Variants in MYO7A observed in about 807,000 individuals in gnomAD.
MYO7A encodes myosin VIIA, also known as unconventional myosin-VIIa.
Under a neutral mutation model 263.8 loss-of-function variants are expected in MYO7A, and 210 were observed. That is an observed-to-expected ratio of 0.80 (90% CI 0.71 to 0.89). The LOEUF is 0.89. Ranked by LOEUF, MYO7A falls within the 40% of genes least tolerant of loss-of-function variation. The pLI, the probability that MYO7A is intolerant of heterozygous loss-of-function variation, is 0.00. For missense variants in MYO7A, 2,820 were observed against 2,968.3 expected, an observed-to-expected ratio of 0.95 and a Z score of 1.16; for synonymous variants, 1,239 against 1,197.3, an observed-to-expected ratio of 1.03 and a Z score of -0.72.
intron 3 of MYO7A, among the ~76,000 whole-genome samples, chr11:77,143,584 G>A (rs1240885423): frequency 1.3e-5 from 2 of 152,242 alleles, no homozygotes; most frequent in African/African-American, 4.8e-5. Flanking sequence ...GGGAAGCCCT[G>A]GGGCCTCTGA....
chr11:77,184,637 T>TG lies in MYO7A; in HGVS notation c.3426dup (p.Leu1143AlafsTer86). 6.3e-7 allele frequency: 1 copy of TG among 1,582,806 alleles called. No homozygotes were observed. Among genetic ancestry groups the TG allele is most frequent in the Non-Finnish European group, 8.6e-7 (1 of 1,163,884 alleles). ...GAGTCCACAGTGCAGGGCAACAGCA[T>TG]GCTGGAGGACCGGCCCACCTCCAAC... is the stretch of plus-strand genomic sequence containing the variant. On this transcript the variant is annotated frameshift_variant, in exon 27 of 49. Coordinates refer to ENST00000409709, the MANE Select transcript of MYO7A (RefSeq NM_000260.4). LOFTEE classifies it high-confidence loss of function.
chr11:77,196,289 T>C (rs1956655870), intron 32 of MYO7A, among the ~76,000 whole-genome samples: 1 of 150,876 alleles, frequency 6.6e-6, no homozygotes, highest in Non-Finnish European at 1.5e-5. Flanking sequence ...TCACTTGAAC[T>C]CGGGAGGCGG....
chr11:77,208,495 G>C lies in MYO7A; in HGVS notation c.5922G>C (p.Lys1974Asn). The C allele has an allele frequency of 6.2e-7, 1 of 1,613,590 alleles. No individual in the cohort carries two copies. Among genetic ancestry groups the C allele is most frequent in the Non-Finnish European group, 8.5e-7 (1 of 1,179,714 alleles). The change falls in exon 43 of 49, where the codon AAG (lysine) becomes AAC (asparagine). Residue 1974 changes from lysine (K) to asparagine (N), a missense_variant. Lys to Asn is a moderately conservative substitution (Grantham distance 94). Transcript: ENST00000409709. ...DFVRHLTDWI[K>N]KARPIKDGIV... ...TTCGACACTTGACAGACTGGATAAA[G>C]AAAGCTCGGCCCATCAAGGACGGTA...
intron 46 of MYO7A, 130 bp from the exon 47 acceptor site, chr11:77,212,822 G>A: frequency 2.6e-6 from 2 of 758,166 alleles, no homozygotes; most frequent in East Asian, 5.3e-5. Flanking sequence ...GGTCATGGCA[G>A]GGCCGTCAGT....
chr11:77,199,579 G>T lies in MYO7A; in HGVS notation c.4613G>T (p.Cys1538Phe), dbSNP rs1426219949. The T allele has an allele frequency of 6.4e-7, 1 of 1,563,498 alleles. No homozygotes were observed. The highest frequency in any genetic ancestry group is 8.7e-7 in the Non-Finnish European group (1 of 1,152,962). Residue 1538 changes from cysteine to phenylalanine, a missense_variant, in exon 35 of 49, where the codon TGT becomes TTT. Transcript: ENST00000409709. Reference protein sequence around the residue: ...WLSLGCSDLGCAAPHSGWAGL... With the variant: ...WLSLGCSDLGFAAPHSGWAGL... ...TCACTGGGCTGCTCTGATCTTGGCT[G>T]TGCTGCGCCTCACTCAGGCTGGGCA...
chr11:77,208,593 C>T, intron 43 of MYO7A, 76 bp downstream of exon 43: 1 of 1,525,650 alleles, frequency 6.6e-7, no homozygotes, highest in Non-Finnish European at 8.9e-7. Flanking sequence ...CCGTGAGGCC[C>T]ACCTAGGCGG....
At position 77,172,911 on chromosome 11, in the gene MYO7A, C is replaced by G. The variant is rs782157998; in HGVS notation, c.1935+26C>G. The G allele has an allele frequency of 5.9e-6, 9 of 1,536,176 alleles. No individual in the cohort carries two copies. In the African/African-American group the frequency reaches 1.2e-4, roughly 21 times the overall value. On this transcript the variant is annotated intron_variant, in intron 16 of 48. Transcript: ENST00000409709. ...GTGAGTGGCCCTGGCCTGGGGTTGG[C>G]GGGTGGCGGCTAGGGTGACGTGGAG...
At chr11:77,144,265 T>C (rs1591207302) in intron 3 of MYO7A, among the ~76,000 whole-genome samples, 1 of 152,072 alleles carries the variant, frequency 6.6e-6, no homozygotes, top group African/African-American at 2.4e-5. Context: ...GAACCTACTA[T>C]GAGGGTGCAG....
intron 4 of MYO7A, among the ~76,000 whole-genome samples, chr11:77,151,763 G>C (rs1267110233): frequency 6.6e-6 from 1 of 152,258 alleles, no homozygotes; most frequent in Non-Finnish European, 1.5e-5. Flanking sequence ...GACCTTGGAG[G>C]ACCGATGGGC....
chr11:77,172,886 G>C lies in MYO7A; in HGVS notation c.1935+1G>C, dbSNP rs1343207038. Reference sequence around the variant, plus strand: ...GCCCAATGAGTTCAAGAAGCCCATGGTGAGTGGCCCTGGCCTGGGGTTGGC... The same window carrying C: ...GCCCAATGAGTTCAAGAAGCCCATGCTGAGTGGCCCTGGCCTGGGGTTGGC... On this transcript the variant is annotated splice_donor_variant, in intron 16 of 48. Coordinates refer to ENST00000409709, the MANE Select transcript of MYO7A (RefSeq NM_000260.4). LOFTEE classifies it high-confidence loss of function. 6.5e-7 allele frequency: 1 copy of C among 1,549,790 alleles called. No individual in the cohort carries two copies. The highest frequency in any genetic ancestry group is 8.7e-7 in the Non-Finnish European group (1 of 1,145,396).
chr11:77,134,158 T>C (rs1386280523), intron 2 of MYO7A, among the ~76,000 whole-genome samples: 2 of 152,228 alleles, frequency 1.3e-5, no homozygotes, highest in Non-Finnish European at 2.9e-5. Context: ...CTCAAACTCC[T>C]GACCTAAAGT....
chr11:77,213,510 C>G (rs376138549), intron 47 of MYO7A, among the ~76,000 whole-genome samples: 1 of 152,174 alleles, frequency 6.6e-6, no homozygotes, highest in East Asian at 1.9e-4. Context: ...CCCTTTGGTG[C>G]CTGCTCCTGT....
At position 77,184,709 on chromosome 11, in the gene MYO7A, C is replaced by A; in HGVS notation, c.3497C>A (p.Ala1166Glu). The A allele has an allele frequency of 6.3e-7, 1 of 1,594,406 alleles. No individual in the cohort carries two copies. The highest frequency in any genetic ancestry group is 1.7e-5 in the Admixed American group (1 of 57,198). The change falls in exon 27 of 49, where the codon GCA (alanine) becomes GAA (glutamate). Residue 1166 changes from alanine (A) to glutamate (E), a missense_variant. Physicochemically the swap from Ala to Glu is moderately radical, Grantham distance 107. Coordinates refer to ENST00000409709, the MANE Select transcript of MYO7A (RefSeq NM_000260.4). ...FIIGNGILRP[A>E]LRDEIYCQIS... is the part of the protein sequence containing the mutation. ...ATCGGCAATGGCATCCTGCGGCCAG[C>A]ACTCCGGTCAGTGCCGGGAGGCGGG...
chr11:77,168,341 A>C (rs1953755812), intron 15 of MYO7A, among the ~76,000 whole-genome samples: 2 of 152,246 alleles, frequency 1.3e-5, no homozygotes, highest in African/African-American at 4.8e-5. Context: ...TTTTAGGAAC[A>C]GAGAATTAGG....
chr11:77,212,790 C>T, intron 46 of MYO7A, 162 bp from the exon 47 acceptor site: 2 of 654,714 alleles, frequency 3.1e-6, no homozygotes, highest in Non-Finnish European at 5.5e-6. Context: ...GCACTGAGGG[C>T]CCAGCGGAGG....
intron 4 of MYO7A, among the ~76,000 whole-genome samples, chr11:77,150,869 G>A (rs986406394): frequency 6.6e-6 from 1 of 152,134 alleles, no homozygotes; most frequent in Non-Finnish European, 1.5e-5. Flanking sequence ...ATTAGAGCAG[G>A]GCTTTGAAGA....
intron 3 of MYO7A, among the ~76,000 whole-genome samples, chr11:77,147,033 C>T (rs556022102): frequency 6.6e-6 from 1 of 152,236 alleles, no homozygotes; most frequent in South Asian, 2.1e-4. Flanking sequence ...TCAGCTCACA[C>T]GTCCCAAGAG....
chr11:77,178,149 C>T (rs1313834950), intron 19 of MYO7A, among the ~76,000 whole-genome samples: 2 of 149,398 alleles, frequency 1.3e-5, no homozygotes, highest in African/African-American at 4.9e-5. Flanking sequence ...TTCCACTCGT[C>T]CACCCACCTA....
rs181425459 is a variant in MYO7A, at chr11:77,194,129, G to C, written c.4153-225G>C. On this transcript the variant is annotated intron_variant, in intron 31 of 48. Coordinates refer to ENST00000409709, the MANE Select transcript of MYO7A (RefSeq NM_000260.4). ...TCCAGCTCCATGCCAGTGCCAGAGG[G>C]ATCCAGGAGAAGGTGAGGGTGTGGC... 5.7e-5 allele frequency: 40 copies of C among 696,000 alleles called. No homozygotes were observed. In the African/African-American group the frequency reaches 6.5e-4, roughly 11 times the overall value. The allele number at this position is 696,000 out of a possible 1,614,324, so 43.1% of individuals were successfully genotyped here.
Sources: allele counts gnomAD v4.1 joint callset (sites outside exome capture counted in the v4.1 genomes callset), GRCh38; gene constraint gnomAD v4.1.1; transcripts MANE v1.5; gene names NCBI Gene and HGNC (gene_info 2026-07-23, HGNC 2026-07-21).